The following NOL4L variants were observed in gnomAD, a reference collection of about 807,000 sequenced individuals.
NOL4L encodes the protein nucleolar protein 4-like.
A neutral mutation model predicts 64.5 loss-of-function variants in NOL4L; 7 were observed. That is an observed-to-expected ratio of 0.11 (90% confidence interval 0.06 to 0.20). The LOEUF (loss-of-function observed/expected upper bound fraction) is 0.20. Among genes scored for constraint, NOL4L ranks in the 10% least tolerant of loss-of-function variants. The pLI is 1.00. For synonymous variants in NOL4L, 413 were observed against 401.0 expected (o/e 1.03, Z -0.36); for missense variants, 680 against 967.1 (o/e 0.70, Z 3.94).
intron 4 of NOL4L, 152 bp downstream of exon 4, chr20:32,511,195 T>A: frequency 1.8e-6 from 1 of 566,118 alleles, no homozygotes; most frequent in South Asian, 2.4e-5. Flanking sequence ...GCCTCCCGCC[T>A]CTCCGCCTGG....
At chr20:32,530,816 G>A (rs1455460552) in intron 1 of NOL4L, among the ~76,000 whole-genome samples, 1 of 151,942 alleles carries the variant, frequency 6.6e-6, no homozygotes, top group Non-Finnish European at 1.5e-5. Context: ...AGCTCCTCAG[G>A]AGGCTGAGGC....
chr20:32,528,007 T>G (rs2145581616), intron 1 of NOL4L, 94 bp from the exon 2 acceptor site: 62 of 657,486 alleles, frequency 9.4e-5, no homozygotes, highest in East Asian at 2.9e-4. Context: ...GGACGGGCAA[T>G]GCCTCCGACA....
intron 1 of NOL4L, among the ~76,000 whole-genome samples, chr20:32,545,561 G>A (rs929690194): frequency 9.1e-5 from 13 of 142,686 alleles, no homozygotes; most frequent in African/African-American, 3.3e-4. Flanking sequence ...CCCTTCCCCC[G>A]ACCCGCCCAC....
intron 4 of NOL4L, among the ~76,000 whole-genome samples, chr20:32,509,467 G>A (rs6119255): frequency 0.011 from 1,555 of 138,574 alleles, 28 homozygotes; most frequent in African/African-American, 0.039. Context: ...ACAGTGAGCC[G>A]AGATTGGGCC....
At chr20:32,578,242 A>G (rs1980253358) in intron 1 of NOL4L, among the ~76,000 whole-genome samples, 1 of 151,996 alleles carries the variant, frequency 6.6e-6, no homozygotes, top group South Asian at 2.1e-4. Flanking sequence ...AGGGTCCTGT[A>G]GCATTAAAGC....
intron 4 of NOL4L, among the ~76,000 whole-genome samples, chr20:32,493,073 C>T (rs544776349): frequency 6.6e-6 from 1 of 152,314 alleles, no homozygotes; most frequent in East Asian, 1.9e-4. Context: ...TGCTGTGAGG[C>T]CCTGCCTTGG....
At chr20:32,544,640 C>T (rs144243684) in intron 1 of NOL4L, among the ~76,000 whole-genome samples, 238 of 152,196 alleles carry the variant, frequency 1.6e-3, no homozygotes, top group African/African-American at 5.3e-3. Flanking sequence ...TGGTCAGTGG[C>T]GGCTCAGAGG....
chr20:32,583,831 C>T (rs1344927420), intron 1 of NOL4L, among the ~76,000 whole-genome samples: 4 of 146,146 alleles, frequency 2.7e-5, no homozygotes, highest in Non-Finnish European at 6.1e-5. Context: ...CCGCCCGGAC[C>T]GGGCCGGCCC....
intron 10 of NOL4L, chr20:32,449,845 G>A (rs2012697160): frequency 6.6e-6 from 1 of 152,378 alleles, no homozygotes; most frequent in South Asian, 2.1e-4. Flanking sequence ...GTCATGCTTG[G>A]GAGTGGCCAG....
chr20:32,508,802 C>T (rs917570104), intron 4 of NOL4L, among the ~76,000 whole-genome samples: 1 of 152,212 alleles, frequency 6.6e-6, no homozygotes, highest in Admixed American at 6.5e-5. Context: ...GCAATTCCTG[C>T]ATCTCAGGTC....
At chr20:32,532,702 C>T (rs1346256956) in intron 1 of NOL4L, among the ~76,000 whole-genome samples, 6 of 152,190 alleles carry the variant, frequency 3.9e-5, no homozygotes, top group Admixed American at 3.9e-4. Flanking sequence ...AGTGAATTGA[C>T]AAAGGAAGTT....
At chr20:32,536,075 A>C (rs894618436) in intron 1 of NOL4L, 42 of 985,556 alleles carry the variant, frequency 4.3e-5, no homozygotes, top group Non-Finnish European at 5.1e-5. Context: ...AGCAGACACC[A>C]TAGGCATAAT....
intron 1 of NOL4L, chr20:32,573,670 C>A (rs1477471971): frequency 9.3e-6 from 2 of 215,518 alleles, no homozygotes; most frequent in Middle Eastern, 4.2e-3. Flanking sequence ...AGTAACTTAC[C>A]CAAGACTGCA....
At chr20:32,571,198 G>C (rs1979727534) in intron 1 of NOL4L, among the ~76,000 whole-genome samples, 1 of 152,098 alleles carries the variant, frequency 6.6e-6, no homozygotes, top group Admixed American at 6.6e-5. Flanking sequence ...TTGTTTGTTT[G>C]TTTGTTTTAG....
intron 1 of NOL4L, among the ~76,000 whole-genome samples, chr20:32,579,634 C>T (rs1307745926): frequency 6.6e-6 from 1 of 152,168 alleles, no homozygotes; most frequent in Non-Finnish European, 1.5e-5. Flanking sequence ...GAAGGGTGCA[C>T]GGTGTCCCCA....
At chr20:32,521,262 C>CT (rs1443821434) in intron 2 of NOL4L, among the ~76,000 whole-genome samples, 2 of 152,194 alleles carry the variant, frequency 1.3e-5, no homozygotes, top group African/African-American at 4.8e-5. Flanking sequence ...AAACATTGCT[C>CT]TAGCGTAGGG....
rs1373957221 is a variant in NOL4L at position 32,478,273 on chromosome 20, A to ACACACACACACT, written c.700-3532_700-3531insAGTGTGTGTGTG. On this transcript the variant is annotated intron_variant, in intron 4 of 10. Coordinates refer to ENST00000621426, the MANE Select transcript of NOL4L (RefSeq NM_001256798.2). ...CACACACACACACACACACACACAC[A>ACACACACACACT]CTCTCTCTCTCTCTCTCTCATGCAT... 3.8e-4 allele frequency among the ~76,000 whole-genome samples: 55 copies of ACACACACACACT among 143,428 alleles called. No homozygotes were observed. The South Asian group carries it at 5.6e-3, about 15-fold the overall frequency. 94.1% of individuals were successfully genotyped at this position (143,428 alleles called of 152,430 possible).
intron 2 of NOL4L, among the ~76,000 whole-genome samples, chr20:32,522,096 G>C (rs2017963193): frequency 6.6e-6 from 1 of 152,226 alleles, no homozygotes. Context: ...GGCGGGGCTG[G>C]GGAGTGGAGT....
chr20:32,508,977 T>C (rs147933133), intron 4 of NOL4L, among the ~76,000 whole-genome samples: 1 of 152,288 alleles, frequency 6.6e-6, no homozygotes, highest in African/African-American at 2.4e-5. Flanking sequence ...ACAAGGCCTT[T>C]GCATAAGCTG....
Sources: gnomAD v4.1 joint callset for allele counts (sites outside exome capture counted in the v4.1 genomes callset) on GRCh38, gnomAD v4.1.1 for gene constraint, MANE v1.5 for transcripts, NCBI Gene and HGNC (gene_info 2026-07-23, HGNC 2026-07-21) for gene names.